Variants in ATG4B observed in about 807,000 individuals in gnomAD.
ATG4B encodes cysteine protease ATG4B.
Under a neutral mutation model 56.6 loss-of-function variants are expected in ATG4B, and 29 were observed. The observed-to-expected ratio is 0.51, with a 90% CI of 0.38 to 0.70. The LOEUF is 0.70. Ranked by LOEUF, ATG4B falls within the 30% of genes least tolerant of loss-of-function variation. ATG4B has a pLI of 0.00. For missense variants in ATG4B, 461 were observed against 515.5 expected, an observed-to-expected ratio of 0.89 and a Z score of 1.02; for synonymous variants, 224 against 206.1, an observed-to-expected ratio of 1.09 and a Z score of -0.74.
At chr2:241,666,492 A>T in intron 7 of ATG4B, 153 bp from the exon 8 acceptor site, 1 of 796,944 alleles carries the variant, frequency 1.3e-6, no homozygotes, top group Non-Finnish European at 2.0e-6. Context: ...AAATTTTCTT[A>T]CGCTTTTCTA....
intron 1 of ATG4B, among the ~76,000 whole-genome samples, chr2:241,649,815 C>T (rs1301512779): frequency 9.1e-5 from 13 of 142,870 alleles, no homozygotes; most frequent in African/African-American, 3.3e-4. Context: ...TGGAGTTTCA[C>T]TCTTGTCACC....
chr2:241,641,317 G>A (rs62193476), intron 1 of ATG4B, among the ~76,000 whole-genome samples: 51,719 of 152,046 alleles, frequency 0.34, 9,110 homozygotes, highest in African/African-American at 0.42. Flanking sequence ...TTGAGAGGCC[G>A]AGGTGGGCGG....
At chr2:241,665,103 G>A (rs1231231704) in intron 7 of ATG4B, among the ~76,000 whole-genome samples, 2 of 152,214 alleles carry the variant, frequency 1.3e-5, no homozygotes, top group Non-Finnish European at 2.9e-5. Flanking sequence ...CTGGGTGACA[G>A]AGTGAGACCC....
rs1176910708 is a variant in ATG4B, at chr2:241,673,760, G to A, written c.*1496G>A. ...TGACCAAAGGGGAGCTTTGTCTCGTGTGTTTTGAAAAAGGCTTAATGAAGA... is the reference window on the plus strand; with the variant it reads ...TGACCAAAGGGGAGCTTTGTCTCGTATGTTTTGAAAAAGGCTTAATGAAGA... On this transcript the variant is annotated 3_prime_UTR_variant, in exon 13 of 13. Coordinates refer to ENST00000404914, the MANE Select transcript of ATG4B (RefSeq NM_013325.5). The A allele has an allele frequency of 6.6e-6, 3 of 454,746 alleles. No homozygotes were observed. The highest frequency in any genetic ancestry group is 1.3e-5 in the Non-Finnish European group (3 of 226,960). 28.2% of individuals were successfully genotyped at this position (454,746 alleles called of 1,614,324 possible).
Position 241,651,958 on chromosome 2 carries a change from G to A in ATG4B, c.184+623G>A. 7.7e-7 allele frequency: 1 copy of A among 1,304,092 alleles called. No homozygotes were observed. Among genetic ancestry groups the A allele is most frequent in the Non-Finnish European group, 1.0e-6 (1 of 988,800 alleles). The allele number at this position is 1,304,092 out of a possible 1,614,324, so 80.8% of individuals were successfully genotyped here. A position where few individuals can be genotyped will look rare whatever the true frequency, so the allele number is the denominator to read the frequency against. The stretch of plus-strand genomic sequence containing the variant: ...TTCTCAGCCTTGCCTCTCACCGGCG[G>A]AGAACTGAGGCCGGAGGTGAGGGCC... On this transcript the variant is annotated intron_variant, in intron 3 of 12. Transcript: ENST00000404914. The surrounding 1 kb of genome is among the most constrained non-coding windows in gnomAD (Gnocchi z 4.1).
Position 241,668,096 on chromosome 2 carries a change from G to A in ATG4B, c.733-47G>A, listed in dbSNP as rs749804344. On this transcript the variant is annotated intron_variant, in intron 8 of 12. Transcript: ENST00000404914. This position sits in a 1 kb window ranked among gnomAD's most constrained non-coding sequence, Gnocchi z 4.2. ...CCCTATGGCAGTGGGTGGGGGGACC[G>A]TCTGCTCCCACCTGGGACCTGTGCT... 5.2e-6 allele frequency: 8 copies of A among 1,542,396 alleles called. No individual in the cohort carries two copies. The highest frequency in any genetic ancestry group is 4.8e-5 in the South Asian group (4 of 83,778).
intron 1 of ATG4B, among the ~76,000 whole-genome samples, chr2:241,647,890 G>T (rs1344069925): frequency 6.6e-6 from 1 of 151,704 alleles, no homozygotes; most frequent in Non-Finnish European, 1.5e-5. Flanking sequence ...GAGGTGGGTG[G>T]ATCACTTGAG....
Position 241,662,600 on chromosome 2 carries a change from G to A in ATG4B, c.538+3413G>A, listed in dbSNP as rs979144490. ...GCACAGAAGCAACCGGCCCAGCTAC[G>A]CATCAGCCCTTGAGCCGATTCATGT... On this transcript the variant is annotated intron_variant, in intron 7 of 12. Transcript: ENST00000404914. Among the ~76,000 whole-genome samples, 7 of 152,180 alleles carry A rather than the reference G, an allele frequency of 4.6e-5. No homozygotes were observed. The South Asian group carries it at 6.2e-4, about 14-fold the overall frequency.
Position 241,659,369 on chromosome 2 carries a change from G to T in ATG4B, c.538+182G>T. The T allele has an allele frequency of 2.1e-5, 14 of 679,896 alleles. 2 individuals carry two copies. The Middle Eastern group carries it at 3.4e-3, about 164-fold the overall frequency. 42.1% of individuals were successfully genotyped at this position (679,896 alleles called of 1,614,324 possible). A position where few individuals can be genotyped will look rare whatever the true frequency, so the allele number is the denominator to read the frequency against. The stretch of plus-strand genomic sequence containing the variant: ...GGTGGCCTCGCTCTCCTATCCCGGC[G>T]GTCATACCAAGAGAGGAGAGCCCAG... On this transcript the variant is annotated intron_variant, in intron 7 of 12. Coordinates refer to ENST00000404914, the MANE Select transcript of ATG4B (RefSeq NM_013325.5).
Position 241,666,676 on chromosome 2 carries a change from A to T in ATG4B, c.570A>T (p.Ala190=), listed in dbSNP as rs1315693251. ...TGTGCAGGACCAGCGTTCCCTGTGC[A>T]GGCGCCACTGCGTTTCCTGCAGATT... The part of the protein sequence containing the change: ...RRLCRTSVPC[A]GATAFPADSD... Residue 190 remains alanine, a synonymous_variant, in exon 8 of 13, where the codon GCA becomes GCT. Transcript: ENST00000404914. The T allele has an allele frequency of 3.7e-6, 6 of 1,613,350 alleles. No homozygotes were observed. Among genetic ancestry groups the T allele is most frequent in the Non-Finnish European group, 5.1e-6 (6 of 1,179,770 alleles).
chr2:241,644,330 C>G (rs990112292), intron 1 of ATG4B, among the ~76,000 whole-genome samples: 2 of 151,894 alleles, frequency 1.3e-5, no homozygotes, highest in African/African-American at 4.8e-5. Context: ...GTGACAGAGC[C>G]AGACCCTTGG....
intron 5 of ATG4B, chr2:241,654,984 TG>T: frequency 1.7e-6 from 1 of 577,326 alleles, no homozygotes; most frequent in Non-Finnish European, 3.1e-6. Context: ...AAAGAAGAGT[TG>T]GCCTTTCTTG....
intron 1 of ATG4B, among the ~76,000 whole-genome samples, chr2:241,642,211 G>C (rs1000662698): frequency 6.6e-6 from 1 of 151,442 alleles, no homozygotes; most frequent in African/African-American, 2.4e-5. Context: ...TGTTTCCCAG[G>C]CTGGAGTGCG....
At chr2:241,657,290 CTT>C (rs770740815) in intron 6 of ATG4B, among the ~76,000 whole-genome samples, 1 of 128,478 alleles carries the variant, frequency 7.8e-6, no homozygotes, top group African/African-American at 2.9e-5. Context: ...TCCTCTCTTT[CTT>C]TTTTTTTTTT....
In ATG4B at chr2:241,672,376, C is replaced by G. The variant is rs933654093; in HGVS notation, c.*112C>G. 9 of 969,704 alleles carry G rather than the reference C, an allele frequency of 9.3e-6. No individual in the cohort carries two copies. Among genetic ancestry groups the G allele is most frequent in the Middle Eastern group, 3.0e-4 (1 of 3,314 alleles). 60.1% of individuals were successfully genotyped at this position (969,704 alleles called of 1,614,324 possible). A position where few individuals can be genotyped will look rare whatever the true frequency, so the allele number is the denominator to read the frequency against. ...AGGGCTGCGCCCCGTGCTGCCTCCC[C>G]CCAGAGGGCCACCCGCTGTGCTCGT... On this transcript the variant is annotated 3_prime_UTR_variant, in exon 13 of 13. Transcript: ENST00000404914.
At chr2:241,665,327 A>G (rs776416136) in intron 7 of ATG4B, among the ~76,000 whole-genome samples, 4 of 152,166 alleles carry the variant, frequency 2.6e-5, no homozygotes, top group Non-Finnish European at 5.9e-5. Flanking sequence ...TCATCACCAC[A>G]AAAGAGGTGA....
In ATG4B at chr2:241,656,160, C is replaced by T. The variant is rs191434972; in HGVS notation, c.458+817C>T. Among the ~76,000 whole-genome samples, 241 of 152,266 alleles carry T rather than the reference C, an allele frequency of 1.6e-3. 1 individual carries two copies. Among genetic ancestry groups the T allele is most frequent in the Non-Finnish European group, 2.9e-3 (194 of 68,004 alleles). On this transcript the variant is annotated intron_variant, in intron 6 of 12. Coordinates refer to ENST00000404914, the MANE Select transcript of ATG4B (RefSeq NM_013325.5). ...CCACTCAAGGCCCTCAGGCATCCCACGTTCCACATTCCTGAAATGGCCCTG... is the reference window on the plus strand; with the variant it reads ...CCACTCAAGGCCCTCAGGCATCCCATGTTCCACATTCCTGAAATGGCCCTG...
At chr2:241,654,755 GCTGTAAAC>G in intron 5 of ATG4B, 108 bp downstream of exon 5, 1 of 867,368 alleles carries the variant, frequency 1.2e-6, no homozygotes, top group East Asian at 2.6e-5. Context: ...GGAGCAGGAG[GCTGTAAAC>G]CTGTAAACAC....
At chr2:241,660,594 G>A (rs2068560899) in intron 7 of ATG4B, among the ~76,000 whole-genome samples, 1 of 152,132 alleles carries the variant, frequency 6.6e-6, no homozygotes, top group African/African-American at 2.4e-5. Context: ...GGAAACACAG[G>A]AAGAGTACAA....
Sources: allele counts gnomAD v4.1 joint callset (sites outside exome capture counted in the v4.1 genomes callset), GRCh38; gene constraint gnomAD v4.1.1; non-coding constraint Gnocchi (gnomAD v3.1); transcripts MANE v1.5; gene names NCBI Gene and HGNC (gene_info 2026-07-23, HGNC 2026-07-21).